Variants in RGL3 observed in about 807,000 individuals in gnomAD.
RGL3 encodes the protein ral guanine nucleotide dissociation stimulator-like 3.
Under a neutral mutation model 90.6 loss-of-function variants are expected in RGL3, and 85 were observed. The ratio of observed to expected loss-of-function variants is 0.94; its 90% confidence interval spans 0.79 to 1.12. RGL3 has a LOEUF of 1.12. Among genes scored for constraint, RGL3 ranks in the 50% most tolerant of loss-of-function variants. RGL3 has a pLI of 0.00. For missense variants in RGL3, 1,034 were observed against 939.2 expected, an observed-to-expected ratio of 1.10 and a Z score of -1.32; for synonymous variants, 408 against 385.5, an observed-to-expected ratio of 1.06 and a Z score of -0.68.
In RGL3 at chr19:11,400,074, C is replaced by T. The variant is rs377749544; in HGVS notation, c.1615G>A (p.Gly539Arg). ...LAREKSSSPS[G>R]SPGDPSSPTS... ...GGGGATGAGGGGTCCCCGGGACTCCCACTAGGTGATGAGCTTTTCTCTCGG... is the reference window on the plus strand; with the variant it reads ...GGGGATGAGGGGTCCCCGGGACTCCTACTAGGTGATGAGCTTTTCTCTCGG... The change falls in exon 15 of 19, where the codon GGG (glycine) becomes AGG (arginine). Residue 539 changes from glycine (G) to arginine (R), a missense_variant. Physicochemically the swap from Gly to Arg is moderately radical, Grantham distance 125 (BLOSUM62 -2). Transcript: ENST00000380456. The T allele has an allele frequency of 8.7e-6, 14 of 1,610,370 alleles. No homozygotes were observed. The African/African-American group carries it at 1.1e-4, about 12-fold the overall frequency.
At chr19:11,400,389 G>C in intron 13 of RGL3, 92 bp from the exon 14 acceptor site, 1 of 1,114,296 alleles carries the variant, frequency 9.0e-7, no homozygotes, top group Non-Finnish European at 1.2e-6. Flanking sequence ...GTGGGTTTGG[G>C]GTGTAAGGGG....
intron 2 of RGL3, among the ~76,000 whole-genome samples, chr19:11,417,470 CTTTTT>C (rs66697430): frequency 6.1e-5 from 7 of 114,532 alleles, no homozygotes; most frequent in African/African-American, 2.4e-4. Flanking sequence ...CCTAGCACCA[CTTTTT>C]TTTTTTTTTT....
chr19:11,396,327 C>T (rs1331120262), intron 18 of RGL3, among the ~76,000 whole-genome samples: 1 of 150,306 alleles, frequency 6.7e-6, no homozygotes, highest in Admixed American at 6.7e-5. Context: ...GCCACCATGC[C>T]CAGCTAATTT....
In RGL3 at chr19:11,402,785, T is replaced by C. The variant is rs1599433172; in HGVS notation, c.1186-79A>G. The stretch of plus-strand genomic sequence containing the variant: ...AGGAACGATGCCTGCAGACCCATCA[T>C]ATATACCCTTCATGCTTTGAGTAAT... On this transcript the variant is annotated intron_variant, in intron 9 of 18. Coordinates refer to ENST00000380456, the MANE Select transcript of RGL3 (RefSeq NM_001035223.4). The C allele has an allele frequency of 2.1e-5, 26 of 1,212,592 alleles. No homozygotes were observed. The East Asian group carries it at 5.9e-4, about 27-fold the overall frequency. 75.1% of individuals were successfully genotyped at this position (1,212,592 alleles called of 1,614,324 possible).
intron 3 of RGL3, 80 bp from the exon 4 acceptor site, chr19:11,416,747 T>C (rs781124268): frequency 6.3e-7 from 1 of 1,594,710 alleles, no homozygotes; most frequent in South Asian, 1.1e-5. Context: ...CTGGGAGGTG[T>C]TTCCAGGTTC....
intron 7 of RGL3, among the ~76,000 whole-genome samples, chr19:11,405,671 C>T (rs965260189): frequency 6.7e-6 from 1 of 149,300 alleles, no homozygotes; most frequent in African/African-American, 2.4e-5. Context: ...TACAGGCGCG[C>T]GCCATCATGC....
At chr19:11,414,172 TATATACAC>T (rs1968925586) in intron 5 of RGL3, among the ~76,000 whole-genome samples, 1 of 92,288 alleles carries the variant, frequency 1.1e-5, no homozygotes, top group African/African-American at 4.4e-5. Flanking sequence ...TATATATATA[TATATACAC>T]CTATATATAT....
intron 9 of RGL3, among the ~76,000 whole-genome samples, chr19:11,404,789 A>G (rs1968739352): frequency 6.6e-6 from 1 of 152,200 alleles, no homozygotes; most frequent in South Asian, 2.1e-4. Context: ...AATCTTGCCT[A>G]TAAATAAGCC....
chr19:11,400,192 C>T lies in RGL3; in HGVS notation c.1580+10G>A, dbSNP rs374124810. ...CACATCACCGCCCCTACACACACCC[C>T]GAGACTCACGCACTGAGACGCTTGG... On this transcript the variant is annotated intron_variant, in intron 14 of 18. Coordinates refer to ENST00000380456, the MANE Select transcript of RGL3 (RefSeq NM_001035223.4). 5 of 1,576,726 alleles carry T rather than the reference C, an allele frequency of 3.2e-6. No individual in the cohort carries two copies. The South Asian group carries it at 3.5e-5, about 11-fold the overall frequency.
chr19:11,414,531 CT>C (rs1238851999), intron 5 of RGL3, among the ~76,000 whole-genome samples: 2 of 23,506 alleles, frequency 8.5e-5, no homozygotes, highest in African/African-American at 1.9e-4. Context: ...ATATATATAC[CT>C]TTATATATAT....
In RGL3 at chr19:11,416,980, C is replaced by A. The variant is rs762831146; in HGVS notation, c.227G>T (p.Arg76Leu). The A allele has an allele frequency of 3.3e-5, 53 of 1,613,864 alleles. No individual in the cohort carries two copies. The Admixed American group carries it at 8.7e-4, about 26-fold the overall frequency. ...VRVLRAARLERLVGELVFGDR... is the reference protein window; with the variant it reads ...VRVLRAARLELLVGELVFGDR... ...TCCAAACACCAACTCTCCCACCAGC[C>A]GCTCCAGGCGCGCTGCCCTCAGCAC... The change falls in exon 3 of 19, where the codon CGG becomes CTG. Residue 76 changes from arginine (R) to leucine (L), a missense_variant. By Grantham distance (102) the Arg-to-Leu change is moderately radical. Coordinates refer to ENST00000380456, the MANE Select transcript of RGL3 (RefSeq NM_001035223.4).
At chr19:11,398,560 G>T (rs1968616639) in intron 16 of RGL3, among the ~76,000 whole-genome samples, 1 of 152,058 alleles carries the variant, frequency 6.6e-6, no homozygotes. Flanking sequence ...TGGCTAGGCT[G>T]GTCTCAAATT....
chr19:11,405,136 T>C lies in RGL3; in HGVS notation c.1185+11A>G, dbSNP rs73922654. 6,333 of 1,612,574 alleles carry C rather than the reference T, an allele frequency of 3.9e-3. 210 individuals are homozygous for C. In the African/African-American group the frequency reaches 0.069, roughly 18 times the overall value. ...GGGCCTAAAATCCCTGGAGTCTGCA[T>C]CCATCTCTACCTGGAAAAGAATCTC... On this transcript the variant is annotated intron_variant, in intron 9 of 18. Coordinates refer to ENST00000380456, the MANE Select transcript of RGL3 (RefSeq NM_001035223.4).
chr19:11,405,413 A>G lies in RGL3; in HGVS notation c.1010T>C (p.Leu337Pro). The G allele has an allele frequency of 6.5e-7, 1 of 1,528,738 alleles. No individual in the cohort carries two copies. Among genetic ancestry groups the G allele is most frequent in the South Asian group, 1.1e-5 (1 of 87,680 alleles). 94.7% of individuals were successfully genotyped at this position (1,528,738 alleles called of 1,614,324 possible). Residue 337 changes from leucine (L) to proline (P), a missense_variant, in exon 8 of 19, where the codon CTG becomes CCG. Coordinates refer to ENST00000380456, the MANE Select transcript of RGL3 (RefSeq NM_001035223.4). ...WIRIAQRCRE[L>P]RNFSSLRAIL... ...GGCGCGCAAGGAGGAGAAGTTCCGC[A>G]GTTCTCGGCAGCGCTGCCAGGCGGT...
In RGL3 at chr19:11,416,622, C is replaced by G; in HGVS notation, c.417G>C (p.Lys139Asn). ...CTGGATGAAGGACCCACCTCAGGTT[C>G]TTGTTGAAGCTCAGATCTTGTACCG... is the stretch of plus-strand genomic sequence containing the variant. ...KTAVQDLSFNKNLRAVVSVLG... is the reference protein window; with the variant it reads ...KTAVQDLSFNNNLRAVVSVLG... Residue 139 changes from lysine (K) to asparagine (N), a missense_variant, in exon 4 of 19, where the codon AAG becomes AAC. Lys to Asn is a moderately conservative substitution (Grantham distance 94). Coordinates refer to ENST00000380456, the MANE Select transcript of RGL3 (RefSeq NM_001035223.4). 6.2e-7 allele frequency: 1 copy of G among 1,614,118 alleles called. No homozygotes were observed. The highest frequency in any genetic ancestry group is 1.1e-5 in the South Asian group (1 of 91,084).
chr19:11,417,661 G>A (rs914007000), intron 2 of RGL3, among the ~76,000 whole-genome samples: 3 of 151,326 alleles, frequency 2.0e-5, no homozygotes, highest in Admixed American at 6.6e-5. Context: ...TAGTAGAGAC[G>A]GTGTTTCACC....
chr19:11,414,173 A>ATATATG (rs1968925720), intron 5 of RGL3, among the ~76,000 whole-genome samples: 1 of 96,610 alleles, frequency 1.0e-5, no homozygotes, highest in Non-Finnish European at 2.0e-5. Context: ...ATATATATAT[A>ATATATG]TATACACCTA....
chr19:11,418,843 C>A, intron 1 of RGL3, 59 bp from the exon 2 acceptor site: 1 of 1,382,034 alleles, frequency 7.2e-7, no homozygotes, highest in South Asian at 1.4e-5. Flanking sequence ...GCCTCAGCCT[C>A]CTTGGCCGCT....
In RGL3 at chr19:11,416,884, C is replaced by A. The variant is rs1215981910; in HGVS notation, c.323G>T (p.Cys108Phe). The change falls in exon 3 of 19, where the codon TGC becomes TTC. Residue 108 changes from cysteine to phenylalanine, a missense_variant. By Grantham distance (205) the Cys-to-Phe change is radical (BLOSUM62 -2). Transcript: ENST00000380456. ...TGGTGGCAGCAGAAAGCCCAGCAGG[C>A]AGGCAGTGGGTACAAAGGTCCGGTA... ...ATYRTFVPTA[C>F]LLGFLLPPMP... 1.2e-6 allele frequency: 2 copies of A among 1,614,024 alleles called. No individual in the cohort carries two copies. Among genetic ancestry groups the A allele is most frequent in the Admixed American group, 1.7e-5 (1 of 60,000 alleles).
Sources: gnomAD v4.1 joint callset for allele counts (sites outside exome capture counted in the v4.1 genomes callset) on GRCh38, gnomAD v4.1.1 for gene constraint, MANE v1.5 for transcripts, NCBI Gene and HGNC (gene_info 2026-07-23, HGNC 2026-07-21) for gene names.